Variants in CNTN4 observed in about 807,000 individuals in gnomAD.
CNTN4 encodes contactin-4.
In CNTN4, 77 loss-of-function variants were observed where a neutral mutation model predicts 122.5. The ratio of observed to expected loss-of-function variants is 0.63; its 90% CI spans 0.52 to 0.76. CNTN4 has a LOEUF of 0.76. Among genes scored for constraint, CNTN4 ranks in the 30% least tolerant of loss-of-function variants. The pLI, the probability that CNTN4 is intolerant of heterozygous loss-of-function variation, is 0.00. For missense variants in CNTN4, 1,256 were observed against 1,259.1 expected, an observed-to-expected ratio of 1.00 and a Z score of 0.04; for synonymous variants, 512 against 447.0, an observed-to-expected ratio of 1.15 and a Z score of -1.83.
At chr3:2,328,899 A>T (rs145269518) in intron 2 of CNTN4, among the ~76,000 whole-genome samples, 98 of 152,216 alleles carry the variant, frequency 6.4e-4, no homozygotes, top group African/African-American at 2.1e-3. Flanking sequence ...GCATTCTCCA[A>T]ATCCTGGGCA....
At chr3:2,369,842 C>T (rs1575480711) in intron 3 of CNTN4, among the ~76,000 whole-genome samples, 1 of 152,108 alleles carries the variant, frequency 6.6e-6, no homozygotes, top group South Asian at 2.1e-4. Flanking sequence ...TTTCTTTTAT[C>T]CACCCTGATA....
rs1247904717 is a variant in CNTN4, at chr3:2,709,831, G to T, written c.56-26384G>T. Among the ~76,000 whole-genome samples the T allele has an allele frequency of 6.6e-6, 1 of 151,924 alleles. No homozygotes were observed. Among genetic ancestry groups the T allele is most frequent in the African/African-American group, 2.4e-5 (1 of 41,384 alleles). ...TGGGAGGCTGAGCCAGGAGAGCCCG[G>T]GAGTCCAGCAGTGAGCTGAGACTGC... On this transcript the variant is annotated intron_variant, in intron 4 of 24. Transcript: ENST00000418658. The surrounding 1 kb of genome is among the most constrained non-coding windows in gnomAD (Gnocchi z 5.0).
intron 7 of CNTN4, 76 bp downstream of exon 7, chr3:2,819,657 C>G (rs1231781604): frequency 9.2e-7 from 1 of 1,082,474 alleles, no homozygotes; most frequent in African/African-American, 1.5e-5. Flanking sequence ...CCTCCTGACA[C>G]CAGCTGAGTG....
intron 3 of CNTN4, among the ~76,000 whole-genome samples, chr3:2,441,356 CCT>C (rs1288391914): frequency 6.6e-6 from 1 of 152,122 alleles, no homozygotes; most frequent in African/African-American, 2.4e-5. Context: ...CTTATTTAAG[CCT>C]CCTGCCTGTA....
At chr3:2,638,519 T>G (rs764097722) in intron 4 of CNTN4, among the ~76,000 whole-genome samples, 1 of 152,164 alleles carries the variant, frequency 6.6e-6, no homozygotes, top group Non-Finnish European at 1.5e-5. Context: ...CTGACACACA[T>G]TCAGACATGT....
chr3:3,048,223 A>C (rs1574931405), intron 23 of CNTN4, among the ~76,000 whole-genome samples: 1 of 142,306 alleles, frequency 7.0e-6, no homozygotes, highest in East Asian at 2.0e-4. Context: ...TGGATCAAAA[A>C]TATTCAGGAA....
intron 4 of CNTN4, among the ~76,000 whole-genome samples, chr3:2,643,469 G>C (rs2082984785): frequency 6.6e-6 from 1 of 152,154 alleles, no homozygotes; most frequent in Non-Finnish European, 1.5e-5. Context: ...ACAGTGCCCA[G>C]CCGGAAAGCT....
At chr3:2,837,166 A>G (rs147039493) in intron 7 of CNTN4, among the ~76,000 whole-genome samples, 15 of 151,952 alleles carry the variant, frequency 9.9e-5, no homozygotes, top group African/African-American at 3.2e-4. Context: ...CAGCTCTTAC[A>G]TGGTTCTCTG....
intron 2 of CNTN4, among the ~76,000 whole-genome samples, chr3:2,144,546 C>G (rs900503543): frequency 2.0e-5 from 3 of 152,132 alleles, no homozygotes; most frequent in African/African-American, 7.2e-5. Context: ...GGCAAAGGAT[C>G]ATTGAGAGGG....
At chr3:2,570,846 A>T (rs966177419) in intron 3 of CNTN4, among the ~76,000 whole-genome samples, 1 of 152,166 alleles carries the variant, frequency 6.6e-6, no homozygotes, top group Non-Finnish European at 1.5e-5. Context: ...GCAGCTACTG[A>T]TAGCTGTTTG....
intron 7 of CNTN4, among the ~76,000 whole-genome samples, chr3:2,840,653 C>A (rs555224165): frequency 1.4e-5 from 2 of 144,418 alleles, no homozygotes; most frequent in Non-Finnish European, 3.0e-5. Flanking sequence ...GAGCCAAGAT[C>A]ACACCACTGC....
chr3:2,849,059 C>G (rs984771109), intron 7 of CNTN4, among the ~76,000 whole-genome samples: 2 of 152,172 alleles, frequency 1.3e-5, no homozygotes, highest in African/African-American at 4.8e-5. Flanking sequence ...GGTTGCACCC[C>G]AGGATCCCAT....
chr3:2,800,904 C>G (rs2092331889), intron 6 of CNTN4, among the ~76,000 whole-genome samples: 1 of 152,170 alleles, frequency 6.6e-6, no homozygotes, highest in South Asian at 2.1e-4. Flanking sequence ...ACCTTCAGGT[C>G]TCTACTCAAA....
intron 3 of CNTN4, among the ~76,000 whole-genome samples, chr3:2,391,547 C>G (rs897747976): frequency 6.6e-6 from 1 of 152,144 alleles, no homozygotes; most frequent in Admixed American, 6.5e-5. Context: ...TCATGTTCTT[C>G]TAACATATCC....
intron 6 of CNTN4, among the ~76,000 whole-genome samples, chr3:2,805,199 C>G (rs908378477): frequency 1.1e-4 from 17 of 152,096 alleles, no homozygotes; most frequent in Middle Eastern, 3.4e-3. Flanking sequence ...GTATCAGTTG[C>G]TGCACTGTGT....
intron 7 of CNTN4, among the ~76,000 whole-genome samples, chr3:2,840,972 T>A (rs1270733320): frequency 1.3e-5 from 2 of 152,182 alleles, no homozygotes; most frequent in African/African-American, 4.8e-5. Context: ...GTTTCTCTGC[T>A]CATTGCCAGG....
At chr3:2,282,572 C>A (rs1000870593) in intron 2 of CNTN4, among the ~76,000 whole-genome samples, 7 of 152,024 alleles carry the variant, frequency 4.6e-5, no homozygotes, top group Admixed American at 1.3e-4. Flanking sequence ...ATGATTTAAG[C>A]AAACAAAGCA....
At chr3:3,038,898 G>A (rs540354516) in intron 18 of CNTN4, 35 bp from the exon 19 acceptor site, 8 of 1,601,894 alleles carry the variant, frequency 5.0e-6, no homozygotes, top group African/African-American at 1.3e-5. Context: ...CGCCTTTGCC[G>A]CCTGACATAA....
At chr3:2,187,289 C>G (rs2037316436) in intron 2 of CNTN4, among the ~76,000 whole-genome samples, 1 of 152,146 alleles carries the variant, frequency 6.6e-6, no homozygotes, top group East Asian at 1.9e-4. Flanking sequence ...TGATCTATAT[C>G]TCTGTTTTAG....
Sources: allele counts gnomAD v4.1 joint callset (sites outside exome capture counted in the v4.1 genomes callset), GRCh38; gene constraint gnomAD v4.1.1; non-coding constraint Gnocchi (gnomAD v3.1); transcripts MANE v1.5; gene names NCBI Gene and HGNC (gene_info 2026-07-23, HGNC 2026-07-21).